AQP5: variants seen among roughly 807,000 people sequenced by gnomAD.
AQP5 encodes the protein aquaporin-5.
AQP5 carries 15 observed loss-of-function variants against 19.1 expected under a neutral mutation model. That is an observed-to-expected ratio of 0.79 (90% CI 0.53 to 1.21). The LOEUF is 1.21. Among genes scored for constraint, AQP5 ranks in the 50% most tolerant of loss-of-function variants. The pLI is 0.00. For synonymous variants in AQP5, 182 were observed against 160.3 expected (o/e 1.14, Z -1.02); for missense variants, 355 against 357.1 (o/e 0.99, Z 0.05).
chr12:49,964,958 C>A (rs371337460), intron 3 of AQP5, 34 bp from the exon 4 acceptor site: 1 of 1,594,156 alleles, frequency 6.3e-7, no homozygotes, highest in African/African-American at 1.3e-5. Flanking sequence ...AGGTCTGGGG[C>A]TCAGCGCCCT....
At position 49,965,069 on chromosome 12, in the gene AQP5, G is replaced by A. The variant is rs781013596; in HGVS notation, c.690G>A (p.Leu230=). Residue 230 remains leucine (L), a synonymous_variant, in exon 4 of 4, where the codon CTG becomes CTA. Transcript: ENST00000293599. ...TCTACCTGCTCTTCCCCAACTCCCT[G>A]AGCCTGAGTGAGCGTGTGGCCATCA... is the stretch of plus-strand genomic sequence containing the variant. ...LYFYLLFPNS[L]SLSERVAIIK... The A allele has an allele frequency of 1.9e-6, 3 of 1,613,918 alleles. No homozygotes were observed. In the African/African-American group the frequency reaches 4.0e-5, roughly 22 times the overall value.
Position 49,965,162 on chromosome 12 carries a change from G to T in AQP5, c.783G>T (p.Glu261Asp). 6.2e-7 allele frequency: 1 copy of T among 1,611,398 alleles called. No homozygotes were observed. Among genetic ancestry groups the T allele is most frequent in the Non-Finnish European group, 8.5e-7 (1 of 1,178,874 alleles). ...EQREERKKTM[E>D]LTTR ...GGGAAGAGCGGAAGAAGACCATGGA[G>T]CTGACCACCCGCTGACCAGTGTCAG... is the stretch of plus-strand genomic sequence containing the variant. Residue 261 changes from glutamate (E) to aspartate (D), a missense_variant, in exon 4 of 4, where the codon GAG (glutamate) becomes GAT (aspartate). By Grantham distance (45) the Glu-to-Asp change is conservative. Coordinates refer to ENST00000293599, the MANE Select transcript of AQP5 (RefSeq NM_001651.4).
At chr12:49,964,202 C>G (rs762961493) in intron 3 of AQP5, 27 bp downstream of exon 3, 4 of 1,606,586 alleles carry the variant, frequency 2.5e-6, no homozygotes, top group Non-Finnish European at 3.4e-6. Context: ...CCCTGGCTCC[C>G]TGGAGATGAG....
At chr12:49,962,712 C>T in intron 1 of AQP5, 1 of 270,458 alleles carries the variant, frequency 3.7e-6, no homozygotes, top group Non-Finnish European at 7.2e-6. Flanking sequence ...CTCCCATCAC[C>T]TCAGTGGAGC....
intron 1 of AQP5, chr12:49,962,922 T>G (rs1947445856): frequency 6.1e-6 from 1 of 164,076 alleles, no homozygotes; most frequent in Admixed American, 5.8e-5. Context: ...TGTTGAGTAT[T>G]GGTTCCCTCT....
Position 49,963,638 on chromosome 12 carries a change from C to A in AQP5, c.510C>A (p.Thr170=). ...CCCTGTCCATTGGCCTGTCTGTCAC[C>A]CTGGGCCACCTTGTCGGAGTGAGCA... ...SPALSIGLSV[T]LGHLVGIYFT... is the part of the protein sequence containing the mutation. Residue 170 remains threonine, a synonymous_variant, in exon 2 of 4, where the codon ACC becomes ACA. Coordinates refer to ENST00000293599, the MANE Select transcript of AQP5 (RefSeq NM_001651.4). The A allele has an allele frequency of 6.2e-7, 1 of 1,613,596 alleles. No homozygotes were observed. Among genetic ancestry groups the A allele is most frequent in the Non-Finnish European group, 8.5e-7 (1 of 1,179,988 alleles).
Position 49,965,070 on chromosome 12 carries a change from A to G in AQP5, c.691A>G (p.Ser231Gly). The G allele has an allele frequency of 6.2e-7, 1 of 1,613,980 alleles. No individual in the cohort carries two copies. The highest frequency in any genetic ancestry group is 8.5e-7 in the Non-Finnish European group (1 of 1,180,002). ...YFYLLFPNSL[S>G]LSERVAIIKG... ...CTACCTGCTCTTCCCCAACTCCCTGAGCCTGAGTGAGCGTGTGGCCATCAT... is the reference window on the plus strand; with the variant it reads ...CTACCTGCTCTTCCCCAACTCCCTGGGCCTGAGTGAGCGTGTGGCCATCAT... The change falls in exon 4 of 4, where the codon AGC becomes GGC. Residue 231 changes from serine (S) to glycine (G), a missense_variant. Coordinates refer to ENST00000293599, the MANE Select transcript of AQP5 (RefSeq NM_001651.4).
chr12:49,965,220 G>A lies in AQP5; in HGVS notation c.*43G>A, dbSNP rs567322069. ...CCAGCCCCTCAGCCCCTGAGCCAAG[G>A]GGGAAAAGAAGAAAAAGTACCTAAC... On this transcript the variant is annotated 3_prime_UTR_variant, in exon 4 of 4. Coordinates refer to ENST00000293599, the MANE Select transcript of AQP5 (RefSeq NM_001651.4). 5.2e-6 allele frequency: 8 copies of A among 1,526,754 alleles called. No individual in the cohort carries two copies. Among genetic ancestry groups the A allele is most frequent in the South Asian group, 1.2e-5 (1 of 80,438 alleles). The allele number at this position is 1,526,754 out of a possible 1,614,324, so 94.6% of individuals were successfully genotyped here.
Position 49,965,056 on chromosome 12 carries a change from T to C in AQP5, c.677T>C (p.Phe226Ser). 6.2e-7 allele frequency: 1 copy of C among 1,613,990 alleles called. No homozygotes were observed. Among genetic ancestry groups the C allele is most frequent in the Non-Finnish European group, 8.5e-7 (1 of 1,179,992 alleles). ...LAAILYFYLL[F>S]PNSLSLSERV... ...GCCATCCTTTACTTCTACCTGCTCTTCCCCAACTCCCTGAGCCTGAGTGAG... is the reference window on the plus strand; with the variant it reads ...GCCATCCTTTACTTCTACCTGCTCTCCCCCAACTCCCTGAGCCTGAGTGAG... The change falls in exon 4 of 4, where the codon TTC becomes TCC. Residue 226 changes from phenylalanine to serine, a missense_variant. Transcript: ENST00000293599.
chr12:49,965,369 T>C lies in AQP5; in HGVS notation c.*192T>C. 2 of 608,932 alleles carry C rather than the reference T, an allele frequency of 3.3e-6. No homozygotes were observed. Among genetic ancestry groups the C allele is most frequent in the Non-Finnish European group, 2.8e-6 (1 of 361,778 alleles). 37.7% of individuals were successfully genotyped at this position (608,932 alleles called of 1,614,324 possible). On this transcript the variant is annotated 3_prime_UTR_variant, in exon 4 of 4. Coordinates refer to ENST00000293599, the MANE Select transcript of AQP5 (RefSeq NM_001651.4). ...GACTCCTGGGGTAGGGGCCAGGGGCTGGGGTCTGCTGGGGACAGGTCTCTC... is the reference window on the plus strand; with the variant it reads ...GACTCCTGGGGTAGGGGCCAGGGGCCGGGGTCTGCTGGGGACAGGTCTCTC...
intron 3 of AQP5, 71 bp from the exon 4 acceptor site, chr12:49,964,921 T>C (rs1947472749): frequency 1.3e-6 from 2 of 1,553,012 alleles, no homozygotes; most frequent in South Asian, 1.2e-5. Context: ...GTCTGTCCTC[T>C]GTGGGGTGGG....
intron 2 of AQP5, 134 bp downstream of exon 2, chr12:49,963,790 C>T (rs1233064851): frequency 2.4e-6 from 3 of 1,269,678 alleles, no homozygotes; most frequent in African/African-American, 1.5e-5. Flanking sequence ...GGCTCCTGGA[C>T]TCTGGCCCTA....
At position 49,963,477 on chromosome 12, in the gene AQP5, G is replaced by C. The variant is rs143028034; in HGVS notation, c.364-15G>C. ...CAGAAGGTGGCCGGGGTCCTAACCC[G>C]CTATCCCCTTGCAGCTCAACAACAA... On this transcript the variant is annotated splice_polypyrimidine_tract_variant and intron_variant, in intron 1 of 3. Coordinates refer to ENST00000293599, the MANE Select transcript of AQP5 (RefSeq NM_001651.4). The C allele has an allele frequency of 3.0e-4, 487 of 1,612,996 alleles. 3 individuals are homozygous for C. The highest frequency in any genetic ancestry group is 3.3e-4 in the Non-Finnish European group (395 of 1,179,602).
At position 49,965,218 on chromosome 12, in the gene AQP5, A is replaced by G; in HGVS notation, c.*41A>G. 1 of 1,530,142 alleles carries G rather than the reference A, an allele frequency of 6.5e-7. No individual in the cohort carries two copies. The highest frequency in any genetic ancestry group is 8.7e-7 in the Non-Finnish European group (1 of 1,142,928). 94.8% of individuals were successfully genotyped at this position (1,530,142 alleles called of 1,614,324 possible). A position where few individuals can be genotyped will look rare whatever the true frequency, so the allele number is the denominator to read the frequency against. On this transcript the variant is annotated 3_prime_UTR_variant, in exon 4 of 4. Coordinates refer to ENST00000293599, the MANE Select transcript of AQP5 (RefSeq NM_001651.4). ...GGCCAGCCCCTCAGCCCCTGAGCCA[A>G]GGGGGAAAAGAAGAAAAAGTACCTA...
intron 1 of AQP5, among the ~76,000 whole-genome samples, chr12:49,963,184 C>T (rs1947448369): frequency 6.6e-6 from 1 of 152,196 alleles, no homozygotes; most frequent in South Asian, 2.1e-4. Context: ...GGCAGCTGCC[C>T]ACAGGATGGA....
At position 49,963,508 on chromosome 12, in the gene AQP5, C is replaced by T. The variant is rs771274265; in HGVS notation, c.380C>T (p.Thr127Met). The change falls in exon 2 of 4, where the codon ACG (threonine) becomes ATG (methionine). Residue 127 changes from threonine (T) to methionine (M), a missense_variant. Physicochemically the swap from Thr to Met is moderately conservative, Grantham distance 81. Coordinates refer to ENST00000293599, the MANE Select transcript of AQP5 (RefSeq NM_001651.4). Reference protein sequence around the residue: ...LAVNALNNNTTQGQAMVVELI... With the variant: ...LAVNALNNNTMQGQAMVVELI... ...CCCTTGCAGCTCAACAACAACACAACGCAGGGCCAGGCCATGGTGGTGGAG... is the reference window on the plus strand; with the variant it reads ...CCCTTGCAGCTCAACAACAACACAATGCAGGGCCAGGCCATGGTGGTGGAG... 8.1e-5 allele frequency: 130 copies of T among 1,613,732 alleles called. No homozygotes were observed. The highest frequency in any genetic ancestry group is 9.9e-5 in the Non-Finnish European group (117 of 1,180,014).
rs901182462 is a variant in AQP5, at chr12:49,965,007, C to T, written c.628C>T (p.Pro210Ser). ...TCTCCACCAGGTTTTCTGGGTAGGG[C>T]CCATCGTGGGGGCGGTCCTGGCTGC... ...SPAHWVFWVG[P>S]IVGAVLAAIL... The change falls in exon 4 of 4, where the codon CCC (proline) becomes TCC (serine). Residue 210 changes from proline to serine, a missense_variant. Physicochemically the swap from Pro to Ser is moderately conservative, Grantham distance 74. Transcript: ENST00000293599. The T allele has an allele frequency of 1.9e-6, 3 of 1,613,210 alleles. No homozygotes were observed. Among genetic ancestry groups the T allele is most frequent in the East Asian group, 4.5e-5 (2 of 44,874 alleles).
chr12:49,964,021 TGA>T (rs1279992988), intron 2 of AQP5, 69 bp from the exon 3 acceptor site: 13 of 1,469,826 alleles, frequency 8.8e-6, no homozygotes, highest in Non-Finnish European at 1.1e-5. Context: ...AGTGTAACCT[TGA>T]GAGAGTCCAG....
At position 49,962,204 on chromosome 12, in the gene AQP5, G is replaced by A. The variant is rs993506836; in HGVS notation, c.187G>A (p.Val63Met). 1.9e-6 allele frequency: 3 copies of A among 1,607,342 alleles called. No homozygotes were observed. Among genetic ancestry groups the A allele is most frequent in the Admixed American group, 3.3e-5 (2 of 59,990 alleles). The change falls in exon 1 of 4, where the codon GTG (valine) becomes ATG (methionine). Residue 63 changes from valine (V) to methionine (M), a missense_variant. Coordinates refer to ENST00000293599, the MANE Select transcript of AQP5 (RefSeq NM_001651.4). ...CACGCTGGCCCAGGCCCTGGGACCC[G>A]TGAGCGGCGGCCACATCAACCCCGC... ...IGTLAQALGP[V>M]SGGHINPAIT...
Sources: gnomAD v4.1 joint callset for allele counts (sites outside exome capture counted in the v4.1 genomes callset) on GRCh38, gnomAD v4.1.1 for gene constraint, MANE v1.5 for transcripts, NCBI Gene and HGNC (gene_info 2026-07-23, HGNC 2026-07-21) for gene names.